CBL: variants seen among roughly 807,000 people sequenced by gnomAD.
The protein encoded by CBL is E3 ubiquitin-protein ligase CBL.
CBL carries 45 observed loss-of-function variants against 96.9 expected under a neutral mutation model. The ratio of observed to expected loss-of-function variants is 0.46; its 90% CI spans 0.37 to 0.60. CBL has a LOEUF of 0.60. CBL is among the 20% of genes least tolerant of loss of function. The pLI is 0.00. For missense variants in CBL, 1,024 were observed against 1,143.5 expected, an observed-to-expected ratio of 0.90 and a Z score of 1.51; for synonymous variants, 420 against 426.8, an observed-to-expected ratio of 0.98 and a Z score of 0.20.
intron 2 of CBL, among the ~76,000 whole-genome samples, chr11:119,271,315 G>T (rs1056335921): frequency 6.6e-6 from 1 of 152,116 alleles, no homozygotes; most frequent in African/African-American, 2.4e-5. Flanking sequence ...TTCATGCTTA[G>T]CTATTAAGCT....
chr11:119,287,796 C>T (rs1356828664), intron 11 of CBL, 56 bp from the exon 12 acceptor site: 4 of 1,072,876 alleles, frequency 3.7e-6, no homozygotes, highest in Non-Finnish European at 5.8e-6. Context: ...TCAATAAGAG[C>T]AGAGGCTCAG....
intron 2 of CBL, among the ~76,000 whole-genome samples, chr11:119,236,594 A>AGTAT (rs1555226922): frequency 2.3e-5 from 2 of 86,498 alleles, no homozygotes; most frequent in Non-Finnish European, 4.2e-5. Flanking sequence ...ACTTCTTTTG[A>AGTAT]GTATATATAT....
At chr11:119,263,595 T>G (rs1394654156) in intron 2 of CBL, among the ~76,000 whole-genome samples, 1 of 152,200 alleles carries the variant, frequency 6.6e-6, no homozygotes. Context: ...AAAGGGCCAT[T>G]GCTATTTTTA....
Position 119,285,438 on chromosome 11 carries a change from T to G in CBL, c.1813T>G (p.Ser605Ala). Reference protein sequence around the residue: ...IPKVPVSAPSSSDPWTGRELT... With the variant: ...IPKVPVSAPSASDPWTGRELT... ...CAAAGTACCAGTATCTGCCCCAAGT[T>G]CCAGTGATCCCTGGACAGGAAGAGA... Residue 605 changes from serine to alanine, a missense_variant, in exon 11 of 16, where the codon TCC becomes GCC. Coordinates refer to ENST00000264033, the MANE Select transcript of CBL (RefSeq NM_005188.4). 6.2e-7 allele frequency: 1 copy of G among 1,614,132 alleles called. No homozygotes were observed. Among genetic ancestry groups the G allele is most frequent in the African/African-American group, 1.3e-5 (1 of 75,044 alleles).
Position 119,297,032 on chromosome 11 carries a change from A to C in CBL, c.2151A>C (p.Ser717=). 1 of 1,525,218 alleles carries C rather than the reference A, an allele frequency of 6.6e-7. No homozygotes were observed. The highest frequency in any genetic ancestry group is 9.1e-7 in the Non-Finnish European group (1 of 1,098,660). The allele number at this position is 1,525,218 out of a possible 1,614,324, so 94.5% of individuals were successfully genotyped here. A position where few individuals can be genotyped will look rare whatever the true frequency, so the allele number is the denominator to read the frequency against. ...PLRPLDTSQS[S]RACDCDQQID... ...GGCCTTTGGATACATCCCAGAGTTC[A>C]CGGTAGGTTCACAACAACCCTTTTT... The change falls in exon 13 of 16, where the codon TCA becomes TCC. Residue 717 remains serine, a splice_region_variant and synonymous_variant. Transcript: ENST00000264033.
rs141897708 is a variant in CBL at position 119,240,805 on chromosome 11, G to T, written c.443+8110G>T. On this transcript the variant is annotated intron_variant, in intron 2 of 15. Coordinates refer to ENST00000264033, the MANE Select transcript of CBL (RefSeq NM_005188.4). Reference sequence around the variant, plus strand: ...TGTACATAATTGGCTGGGTGCAGTGGCTCATGCCTGTAATGCCAGCACTTG... The same window carrying T: ...TGTACATAATTGGCTGGGTGCAGTGTCTCATGCCTGTAATGCCAGCACTTG... Among the ~76,000 whole-genome samples the T allele has an allele frequency of 8.4e-3, 1,286 of 152,262 alleles. 27 individuals are homozygous for T. The highest frequency in any genetic ancestry group is 0.027 in the African/African-American group (1,117 of 41,542).
intron 2 of CBL, among the ~76,000 whole-genome samples, chr11:119,244,504 A>G (rs1267531346): frequency 1.3e-5 from 2 of 149,662 alleles, no homozygotes; most frequent in African/African-American, 4.9e-5. Context: ...CGCAGCCTCA[A>G]CCTCCAGGGC....
chr11:119,227,350 T>A lies in CBL; in HGVS notation c.196-5098T>A, dbSNP rs575041227. ...TGATACCTTCAACTTAGGATAGGTT[T>A]ATTGGAATGTAACTCCATTGTAAAT... On this transcript the variant is annotated intron_variant, in intron 1 of 15. Transcript: ENST00000264033. Among the ~76,000 whole-genome samples the A allele has an allele frequency of 2.0e-5, 3 of 152,286 alleles. No individual in the cohort carries two copies. In the South Asian group the frequency reaches 6.2e-4, roughly 32 times the overall value.
Position 119,306,276 on chromosome 11 carries a change from G to C in CBL, c.*6495G>C, listed in dbSNP as rs1950140119. On this transcript the variant is annotated 3_prime_UTR_variant, in exon 16 of 16. Coordinates refer to ENST00000264033, the MANE Select transcript of CBL (RefSeq NM_005188.4). ...AGAAAAATGCAGCCGACCACTCCCT[G>C]TGTTTGTACAGAGCAAAGCCCAAAA... 1 of 398,636 alleles carries C rather than the reference G, an allele frequency of 2.5e-6. No homozygotes were observed. Among genetic ancestry groups the C allele is most frequent in the African/African-American group, 2.1e-5 (1 of 48,752 alleles). The allele number at this position is 398,636 out of a possible 1,614,324, so 24.7% of individuals were successfully genotyped here. A position where few individuals can be genotyped will look rare whatever the true frequency, so the allele number is the denominator to read the frequency against.
intron 2 of CBL, among the ~76,000 whole-genome samples, chr11:119,259,171 G>T (rs964027224): frequency 6.6e-6 from 1 of 152,080 alleles, no homozygotes; most frequent in Non-Finnish European, 1.5e-5. Context: ...ATCAAATCTA[G>T]TTGTCTTTTG....
chr11:119,226,141 C>A (rs956464702), intron 1 of CBL, among the ~76,000 whole-genome samples: 3 of 152,168 alleles, frequency 2.0e-5, no homozygotes, highest in Admixed American at 1.3e-4. Flanking sequence ...CCTGCTGCTG[C>A]CTTTTCTCTA....
At chr11:119,255,740 G>A (rs962769469) in intron 2 of CBL, among the ~76,000 whole-genome samples, 1 of 152,016 alleles carries the variant, frequency 6.6e-6, no homozygotes, top group African/African-American at 2.4e-5. Context: ...GGTACATTTA[G>A]CAAAATTCTA....
At chr11:119,299,104 G>A (rs1293399108) in intron 15 of CBL, among the ~76,000 whole-genome samples, 2 of 152,174 alleles carry the variant, frequency 1.3e-5, no homozygotes, top group Admixed American at 1.3e-4. Flanking sequence ...ACTCAGCCTT[G>A]GCTAATGCTT....
rs878854755 is a variant in CBL, at chr11:119,206,622, C to T, written c.195+10C>T. On this transcript the variant is annotated intron_variant, in intron 1 of 15. Transcript: ENST00000264033. ...GAAGCTCATGGACAAGGTGAAAGGCCGGCTGAGCGCCCGCTGTTGCAGGGT... is the reference window on the plus strand; with the variant it reads ...GAAGCTCATGGACAAGGTGAAAGGCTGGCTGAGCGCCCGCTGTTGCAGGGT... 1.9e-6 allele frequency: 3 copies of T among 1,543,962 alleles called. No homozygotes were observed. The highest frequency in any genetic ancestry group is 1.7e-6 in the Non-Finnish European group (2 of 1,144,342).
At position 119,278,673 on chromosome 11, in the gene CBL, A is replaced by T. The variant is rs201762219; in HGVS notation, c.1391A>T (p.Asp464Val). Reference sequence around the variant, plus strand: ...GATGATGATGATGATGAACGAGCTGATGATACTCTCTTCATGATGAAGGAA... The same window carrying T: ...GATGATGATGATGATGAACGAGCTGTTGATACTCTCTTCATGATGAAGGAA... ...NYDDDDDERA[D>V]DTLFMMKELA... Residue 464 changes from aspartate (D) to valine (V), a missense_variant, in exon 9 of 16, where the codon GAT (aspartate) becomes GTT (valine). Asp to Val is a radical substitution (Grantham distance 152). Around this residue, in one of 4 missense-constraint regions of CBL, gnomAD observed 695 missense variants for 661.6 expected, o/e 1.05. Transcript: ENST00000264033. The T allele has an allele frequency of 6.2e-7, 1 of 1,614,102 alleles. No individual in the cohort carries two copies. Among genetic ancestry groups the T allele is most frequent in the Non-Finnish European group, 8.5e-7 (1 of 1,180,018 alleles).
chr11:119,298,616 C>G, intron 15 of CBL, 76 bp downstream of exon 15: 1 of 1,285,252 alleles, frequency 7.8e-7, no homozygotes, highest in Non-Finnish European at 1.1e-6. Context: ...GGGAGATGAC[C>G]TTCTCTGGTG....
chr11:119,221,409 A>G (rs1949410004), intron 1 of CBL, among the ~76,000 whole-genome samples: 1 of 152,140 alleles, frequency 6.6e-6, no homozygotes, highest in Admixed American at 6.6e-5. Flanking sequence ...AAATTAAACC[A>G]AAAACAAAAA....
intron 2 of CBL, among the ~76,000 whole-genome samples, chr11:119,262,647 A>G (rs1445669163): frequency 6.6e-6 from 1 of 152,210 alleles, no homozygotes; most frequent in African/African-American, 2.4e-5. Context: ...CCAGGGTTGC[A>G]GGGGATAAAG....
intron 1 of CBL, among the ~76,000 whole-genome samples, chr11:119,212,996 T>C (rs1281009868): frequency 1.4e-5 from 2 of 144,348 alleles, no homozygotes; most frequent in East Asian, 4.0e-4. Context: ...AAAAAAAAAA[T>C]AGAGACAGAA....
Sources: gnomAD v4.1 joint callset for allele counts (sites outside exome capture counted in the v4.1 genomes callset) on GRCh38, gnomAD v4.1.1 for gene constraint, gnomAD v4.1.1 regional missense constraint, MANE v1.5 for transcripts, NCBI Gene and HGNC (gene_info 2026-07-23, HGNC 2026-07-21) for gene names.